Variants in DST observed in about 807,000 individuals in gnomAD.
DST encodes bullous pemphigoid antigen.
DST carries 253 observed loss-of-function variants against 875.2 expected under a neutral mutation model. The observed-to-expected ratio is 0.29, with a 90% confidence interval of 0.26 to 0.32. The LOEUF (loss-of-function observed/expected upper bound fraction) is 0.32. Among genes scored for constraint, DST ranks in the 10% least tolerant of loss-of-function variants. The pLI, the probability that DST is intolerant of heterozygous loss-of-function variation, is 1.00. For missense variants in DST, 8,287 were observed against 9,111.6 expected, an observed-to-expected ratio of 0.91 and a Z score of 3.68; for synonymous variants, 3,124 against 3,197.1, an observed-to-expected ratio of 0.98 and a Z score of 0.77.
At position 56,598,438 on chromosome 6, in the gene DST, T is replaced by A. The variant is rs771151651; in HGVS notation, c.11928+38A>T. On this transcript the variant is annotated intron_variant, in intron 46 of 103. Transcript: ENST00000680361. The stretch of plus-strand genomic sequence containing the variant: ...TAAATCAAGTAGCTGTTAAGCTTTT[T>A]GACATAGCAATAGTGCACCACATAT... The A allele has an allele frequency of 2.5e-5, 32 of 1,263,560 alleles. 1 individual carries two copies. The Middle Eastern group carries it at 5.8e-4, about 23-fold the overall frequency. 78.3% of individuals were successfully genotyped at this position (1,263,560 alleles called of 1,614,324 possible).
At chr6:56,478,128 T>C (rs1031626018) in intron 90 of DST, among the ~76,000 whole-genome samples, 1 of 152,168 alleles carries the variant, frequency 6.6e-6, no homozygotes, top group African/African-American at 2.4e-5. Context: ...AGAGACAGTA[T>C]TGCTAGAGAT....
At chr6:56,668,051 A>G (rs2099080978) in intron 10 of DST, among the ~76,000 whole-genome samples, 1 of 152,170 alleles carries the variant, frequency 6.6e-6, no homozygotes, top group Non-Finnish European at 1.5e-5. Flanking sequence ...ATTTTAGAAG[A>G]ATAGCTGGAT....
chr6:56,494,655 C>G (rs1260883189), intron 82 of DST, among the ~76,000 whole-genome samples: 1 of 151,956 alleles, frequency 6.6e-6, no homozygotes, highest in Non-Finnish European at 1.5e-5. Context: ...AAGTAAATAA[C>G]CAGCACAGTA....
At chr6:56,908,098 T>TATATATATATATATATACACAC (rs148958146) in intron 2 of DST, among the ~76,000 whole-genome samples, 1 of 150,498 alleles carries the variant, frequency 6.6e-6, no homozygotes, top group African/African-American at 2.4e-5. Flanking sequence ...TATATATATA[T>TATATATATATATATATACACAC]ACACACACAC....
At chr6:56,695,126 CA>C (rs34456344) in intron 9 of DST, among the ~76,000 whole-genome samples, 18,643 of 70,036 alleles carry the variant, frequency 0.27, 1,369 homozygotes, top group Middle Eastern at 0.32. Context: ...GACTCCCTCT[CA>C]AAAAAAAAAA....
chr6:56,587,324 A>C (rs2098174644), intron 49 of DST, among the ~76,000 whole-genome samples: 1 of 152,244 alleles, frequency 6.6e-6, no homozygotes. Flanking sequence ...ATGGAAGATG[A>C]AACGAATGAA....
In DST at chr6:56,528,138, C is replaced by T. The variant is rs1219810498; in HGVS notation, c.17681-404G>A. Among the ~76,000 whole-genome samples, 3 of 152,330 alleles carry T rather than the reference C, an allele frequency of 2.0e-5. No individual in the cohort carries two copies. The South Asian group carries it at 6.2e-4, about 32-fold the overall frequency. On this transcript the variant is annotated intron_variant, in intron 67 of 103. Transcript: ENST00000680361. ...CTCTGCTCTTAGTTATTCATCATTA[C>T]TCATCTGCACTATTCCAACAGATCT...
Position 56,458,939 on chromosome 6 carries a change from A to ATATTT in DST, c.*61_*65dup, listed in dbSNP as rs1185509493. ...AATATTTCACAAGAATTTCTACACCATATTTTACATCGTTCAAACTTAAAT... is the reference window on the plus strand; with the variant it reads ...AATATTTCACAAGAATTTCTACACCATATTTTATTTTACATCGTTCAAACTTAAAT... On this transcript the variant is annotated 3_prime_UTR_variant, in exon 104 of 104. Transcript: ENST00000680361. 1.4e-6 allele frequency: 2 copies of ATATTT among 1,445,934 alleles called. No homozygotes were observed. Among genetic ancestry groups the ATATTT allele is most frequent in the Non-Finnish European group, 1.8e-6 (2 of 1,090,618 alleles). The allele number at this position is 1,445,934 out of a possible 1,614,324, so 89.6% of individuals were successfully genotyped here.
At chr6:56,767,106 A>G (rs1339318611) in intron 4 of DST, among the ~76,000 whole-genome samples, 1 of 152,230 alleles carries the variant, frequency 6.6e-6, no homozygotes, top group Non-Finnish European at 1.5e-5. Context: ...GAAGGTCATC[A>G]GCTAAAGATC....
chr6:56,881,849 A>G (rs116132304), intron 3 of DST, among the ~76,000 whole-genome samples: 3,767 of 152,256 alleles, frequency 0.025, 60 homozygotes, highest in Non-Finnish European at 0.035. Flanking sequence ...ACTCATTCAC[A>G]TTTTATTAAA....
chr6:56,847,850 A>T (rs1322645671), intron 4 of DST, among the ~76,000 whole-genome samples: 2 of 152,212 alleles, frequency 1.3e-5, no homozygotes, highest in East Asian at 3.8e-4. Flanking sequence ...TTATCATATT[A>T]GACTATGACC....
chr6:56,617,341 A>G (rs375880670), intron 36 of DST: 2 of 1,613,926 alleles, frequency 1.2e-6, no homozygotes, highest in Non-Finnish European at 1.7e-6. Flanking sequence ...TCCATTCTTC[A>G]GCACTGGGAA....
chr6:56,526,267 G>T, intron 69 of DST, 94 bp downstream of exon 69: 1 of 1,277,734 alleles, frequency 7.8e-7, no homozygotes, highest in Non-Finnish European at 1.1e-6. Context: ...GCAAATGAAT[G>T]GAAACAGTAT....
At chr6:56,799,470 T>C (rs2099744206) in intron 4 of DST, among the ~76,000 whole-genome samples, 1 of 151,856 alleles carries the variant, frequency 6.6e-6, no homozygotes, top group African/African-American at 2.4e-5. Context: ...GCTACTCAAA[T>C]CTTCAGGAAC....
At chr6:56,938,512 G>A (rs1314422109) in intron 2 of DST, among the ~76,000 whole-genome samples, 1 of 151,998 alleles carries the variant, frequency 6.6e-6, no homozygotes, top group African/African-American at 2.4e-5. Context: ...GGAAAAGACT[G>A]TCCAGGGAAA....
Position 56,493,996 on chromosome 6 carries a change from A to G in DST, c.20394+14T>C, listed in dbSNP as rs374715767. 8.7e-5 allele frequency: 135 copies of G among 1,558,032 alleles called. No homozygotes were observed. Among genetic ancestry groups the G allele is most frequent in the Non-Finnish European group, 1.0e-4 (117 of 1,150,296 alleles). The stretch of plus-strand genomic sequence containing the variant: ...CTAAAACACTGATTCTATTATATTA[A>G]TCAAAGCACATACTTTCCTTTCATT... On this transcript the variant is annotated intron_variant, in intron 83 of 103. Coordinates refer to ENST00000680361, the MANE Select transcript of DST (RefSeq NM_001374736.1).
intron 52 of DST, 90 bp downstream of exon 52, chr6:56,572,657 T>C (rs1244189528): frequency 1.1e-6 from 1 of 940,878 alleles, no homozygotes; most frequent in Non-Finnish European, 1.5e-6. Flanking sequence ...ATTAAAATGA[T>C]TGCCAATTAT....
intron 4 of DST, among the ~76,000 whole-genome samples, chr6:56,780,970 T>C (rs2099692388): frequency 6.6e-6 from 1 of 152,246 alleles, no homozygotes; most frequent in South Asian, 2.1e-4. Flanking sequence ...CAGCACCATT[T>C]ATTAAATAGG....
At chr6:56,586,727 A>G (rs1213021046) in intron 49 of DST, among the ~76,000 whole-genome samples, 1 of 152,132 alleles carries the variant, frequency 6.6e-6, no homozygotes, top group Non-Finnish European at 1.5e-5. Flanking sequence ...CAGAGGAATG[A>G]TCAGACAGCA....
Sources: allele counts gnomAD v4.1 joint callset (sites outside exome capture counted in the v4.1 genomes callset), GRCh38; gene constraint gnomAD v4.1.1; transcripts MANE v1.5; gene names NCBI Gene and HGNC (gene_info 2026-07-23, HGNC 2026-07-21).